Variants in AGBL4 observed in about 807,000 individuals in gnomAD.
The protein encoded by AGBL4 is cytosolic carboxypeptidase 6.
Under a neutral mutation model 66.4 loss-of-function variants are expected in AGBL4, and 58 were observed. The ratio of observed to expected loss-of-function variants is 0.87; its 90% CI spans 0.71 to 1.09. The LOEUF (loss-of-function observed/expected upper bound fraction) is 1.09, where lower values mean the gene tolerates loss of function less well. AGBL4 is among the 50% of genes least tolerant of loss of function. The probability of loss-of-function intolerance (pLI) is 0.00; values close to 1 mark genes in which losing one functional copy is unlikely to be tolerated. For missense variants in AGBL4, 579 were observed against 631.0 expected (o/e 0.92, Z 0.88); for synonymous variants, 234 against 222.9 (o/e 1.05, Z -0.44).
intron 5 of AGBL4, among the ~76,000 whole-genome samples, chr1:48,909,876 C>T (rs7552798): frequency 0.22 from 34,059 of 152,090 alleles, 4,588 homozygotes; most frequent in African/African-American, 0.38. Context: ...GTTTATGTTT[C>T]CTATACATAA....
At chr1:48,964,449 TA>T (rs1382163389) in intron 5 of AGBL4, among the ~76,000 whole-genome samples, 1 of 152,228 alleles carries the variant, frequency 6.6e-6, no homozygotes, top group Non-Finnish European at 1.5e-5. Flanking sequence ...ACAGGATTAC[TA>T]TGAGCATTAC....
At chr1:48,626,505 G>T (rs1198283150) in intron 9 of AGBL4, among the ~76,000 whole-genome samples, 2 of 152,236 alleles carry the variant, frequency 1.3e-5, no homozygotes, top group Non-Finnish European at 2.9e-5. Flanking sequence ...CCTTGTGGAA[G>T]TTCTGCCCAT....
At chr1:49,070,637 T>C (rs1323875857) in intron 4 of AGBL4, among the ~76,000 whole-genome samples, 1 of 152,018 alleles carries the variant, frequency 6.6e-6, no homozygotes, top group Non-Finnish European at 1.5e-5. Context: ...GGTTTGCCAG[T>C]ATTTTATTGA....
intron 9 of AGBL4, chr1:48,634,058 T>C (rs1645631354): frequency 6.5e-6 from 1 of 153,246 alleles, no homozygotes; most frequent in Non-Finnish European, 1.5e-5. Flanking sequence ...GTTACTGTAG[T>C]GTTGAGAACC....
intron 6 of AGBL4, among the ~76,000 whole-genome samples, chr1:48,724,738 G>A (rs953180133): frequency 1.6e-4 from 24 of 152,050 alleles, no homozygotes; most frequent in Non-Finnish European, 5.9e-5. Context: ...AAAAAAAATC[G>A]CAAGTTAGAA....
At chr1:49,519,597 C>A (rs1650095055) in intron 3 of AGBL4, among the ~76,000 whole-genome samples, 1 of 152,068 alleles carries the variant, frequency 6.6e-6, no homozygotes, top group South Asian at 2.1e-4. Context: ...CTTTGAAACC[C>A]TATGTAGTCA....
At chr1:49,160,380 A>G (rs1646517363) in intron 4 of AGBL4, among the ~76,000 whole-genome samples, 1 of 152,162 alleles carries the variant, frequency 6.6e-6, no homozygotes, top group Non-Finnish European at 1.5e-5. Context: ...TTGCCTGGAT[A>G]TAATCAGCAG....
chr1:49,865,595 T>A (rs1236411941), intron 1 of AGBL4, among the ~76,000 whole-genome samples: 4 of 151,840 alleles, frequency 2.6e-5, no homozygotes, highest in African/African-American at 9.7e-5. Context: ...AAAAACTCCA[T>A]CCAAAGTCAT....
intron 2 of AGBL4, among the ~76,000 whole-genome samples, chr1:49,827,163 G>T (rs1217133423): frequency 6.6e-6 from 1 of 152,066 alleles, no homozygotes; most frequent in Non-Finnish European, 1.5e-5. Flanking sequence ...ACAATGATTT[G>T]TTGCCCTCTG....
chr1:49,492,566 T>G (rs1647215428), intron 3 of AGBL4, among the ~76,000 whole-genome samples: 2 of 151,974 alleles, frequency 1.3e-5, no homozygotes, highest in African/African-American at 2.4e-5. Context: ...TGTGTTCCTT[T>G]TTACCACATA....
At chr1:49,251,601 G>C (rs1247152009) in intron 3 of AGBL4, among the ~76,000 whole-genome samples, 1 of 152,158 alleles carries the variant, frequency 6.6e-6, no homozygotes, top group Non-Finnish European at 1.5e-5. Flanking sequence ...CTCCAGCAGG[G>C]GCCCTGCCTC....
intron 3 of AGBL4, among the ~76,000 whole-genome samples, chr1:49,254,257 A>T (rs1010821580): frequency 6.6e-6 from 1 of 151,836 alleles, no homozygotes; most frequent in African/African-American, 2.4e-5. Context: ...CGATCCTCTC[A>T]TCTCAGCCCC....
intron 3 of AGBL4, among the ~76,000 whole-genome samples, chr1:49,687,017 A>G (rs923446103): frequency 3.3e-5 from 5 of 152,200 alleles, no homozygotes; most frequent in Admixed American, 2.6e-4. Context: ...AAGAAGGCCA[A>G]TAAGTATGTA....
At chr1:49,095,289 C>T (rs1358034773) in intron 4 of AGBL4, among the ~76,000 whole-genome samples, 1 of 152,160 alleles carries the variant, frequency 6.6e-6, no homozygotes, top group Non-Finnish European at 1.5e-5. Flanking sequence ...AATGCCATCC[C>T]CATCAAGCTA....
intron 2 of AGBL4, among the ~76,000 whole-genome samples, chr1:49,786,154 T>C (rs1469033297): frequency 6.7e-6 from 1 of 150,060 alleles, no homozygotes; most frequent in Non-Finnish European, 1.5e-5. Context: ...CCAAATTCCA[T>C]GATGCAGAGA....
intron 3 of AGBL4, among the ~76,000 whole-genome samples, chr1:49,483,768 A>G (rs562981753): frequency 6.6e-6 from 1 of 152,084 alleles, no homozygotes; most frequent in East Asian, 1.9e-4. Context: ...ATGTTAAAAA[A>G]AAAAGAAACT....
chr1:48,652,825 C>T (rs778290955), intron 8 of AGBL4, among the ~76,000 whole-genome samples: 9 of 152,028 alleles, frequency 5.9e-5, no homozygotes, highest in Admixed American at 1.3e-4. Context: ...GGCTGGTGTG[C>T]CCACACTGAA....
intron 1 of AGBL4, among the ~76,000 whole-genome samples, chr1:49,898,821 TG>T (rs1280054228): frequency 6.6e-6 from 1 of 152,150 alleles, no homozygotes; most frequent in Non-Finnish European, 1.5e-5. Context: ...TGCATCAACA[TG>T]GATGAAACTA....
chr1:49,214,563 G>A (rs148436460), intron 4 of AGBL4, among the ~76,000 whole-genome samples: 66 of 152,232 alleles, frequency 4.3e-4, no homozygotes, highest in African/African-American at 1.6e-3. Context: ...ATCCAGTCCT[G>A]TGGAAAATTG....
Sources: gnomAD v4.1 joint callset for allele counts (sites outside exome capture counted in the v4.1 genomes callset) on GRCh38, gnomAD v4.1.1 for gene constraint, MANE v1.5 for transcripts, NCBI Gene and HGNC (gene_info 2026-07-23, HGNC 2026-07-21) for gene names.